Variants in PCDH15 observed in about 807,000 individuals in gnomAD.
PCDH15 encodes the protein protocadherin related 15, also known as protocadherin-15.
PCDH15 carries 129 observed loss-of-function variants against 178.5 expected under a neutral mutation model. The ratio of observed to expected loss-of-function variants is 0.72; its 90% CI spans 0.63 to 0.84. The LOEUF is 0.84. Ranked by LOEUF, PCDH15 falls within the 40% of genes least tolerant of loss-of-function variation. PCDH15 has a pLI of 0.00. For synonymous variants in PCDH15, 800 were observed against 732.0 expected (o/e 1.09, Z -1.50); for missense variants, 2,230 against 2,099.9 (o/e 1.06, Z -1.21).
intron 1 of PCDH15, among the ~76,000 whole-genome samples, chr10:55,198,551 A>G (rs1047660883): frequency 1.3e-5 from 2 of 152,052 alleles, no homozygotes; most frequent in African/African-American, 4.8e-5. Flanking sequence ...CAGTGGCGCG[A>G]TAACAGCTCA....
chr10:53,854,747 A>T (rs2078613071), intron 28 of PCDH15, among the ~76,000 whole-genome samples: 1 of 152,108 alleles, frequency 6.6e-6, no homozygotes, highest in Non-Finnish European at 1.5e-5. Context: ...CCGAATAGTC[A>T]TACTTTCTAT....
chr10:55,443,273 G>C (rs1293096031), intron 2 of PCDH15, among the ~76,000 whole-genome samples: 1 of 152,056 alleles, frequency 6.6e-6, no homozygotes, highest in Non-Finnish European at 1.5e-5. Flanking sequence ...TGCAACAAAA[G>C]CCAAAATTGA....
chr10:55,033,529 T>C (rs1591847798), intron 2 of PCDH15, among the ~76,000 whole-genome samples: 5 of 152,042 alleles, frequency 3.3e-5, no homozygotes, highest in Admixed American at 3.3e-4. Flanking sequence ...CTTTGGAATA[T>C]AAACGACTGT....
intron 2 of PCDH15, among the ~76,000 whole-genome samples, chr10:55,085,541 C>T (rs919141844): frequency 2.4e-4 from 37 of 151,720 alleles, no homozygotes; most frequent in African/African-American, 8.7e-4. Flanking sequence ...TGATAGACAC[C>T]TCATTTACCC....
intron 2 of PCDH15, among the ~76,000 whole-genome samples, chr10:55,459,536 T>C (rs1377986146): frequency 6.6e-6 from 1 of 152,078 alleles, no homozygotes; most frequent in African/African-American, 2.4e-5. Context: ...CATGATATCA[T>C]CTAAAATTTA....
chr10:55,626,598 C>A (rs563168650), intron 2 of PCDH15, among the ~76,000 whole-genome samples: 3 of 152,278 alleles, frequency 2.0e-5, no homozygotes, highest in African/African-American at 7.2e-5. Context: ...CATATGCTTG[C>A]CACGTAAATT....
In PCDH15 at chr10:54,256,512, C is replaced by T. The variant is rs142881458; in HGVS notation, c.877-19581G>A. Among the ~76,000 whole-genome samples, 445 of 152,186 alleles carry T rather than the reference C, an allele frequency of 2.9e-3. 5 individuals carry two copies. The highest frequency in any genetic ancestry group is 9.7e-3 in the African/African-American group (403 of 41,514). On this transcript the variant is annotated intron_variant, in intron 8 of 37. Coordinates refer to ENST00000644397, the MANE Select transcript of PCDH15 (RefSeq NM_001384140.1). ...TTTTCACAATTCTACTGTTATAGAA[C>T]CTATCAAAAGCTTCAAGTAATAAGT... is the stretch of plus-strand genomic sequence containing the variant.
At chr10:54,654,981 G>A (rs574196022) in intron 2 of PCDH15, 4 of 152,512 alleles carry the variant, frequency 2.6e-5, no homozygotes, top group African/African-American at 7.2e-5. Flanking sequence ...GGAGGCTGAG[G>A]CGGGCGGATC....
intron 26 of PCDH15, among the ~76,000 whole-genome samples, chr10:53,888,305 T>TATAC (rs1554845206): frequency 2.4e-4 from 9 of 38,178 alleles, no homozygotes; most frequent in Admixed American, 4.6e-4. Flanking sequence ...TATATATATA[T>TATAC]ATATGTATAT....
At position 54,416,457 on chromosome 10, in the gene PCDH15, A is replaced by G. The variant is rs11004291; in HGVS notation, c.158-37515T>C. On this transcript the variant is annotated intron_variant, in intron 3 of 37. Coordinates refer to ENST00000644397, the MANE Select transcript of PCDH15 (RefSeq NM_001384140.1). Reference sequence around the variant, plus strand: ...ATGTCCCTGCAAAGGACATGATCTCATTCTTTTTTATGGCTGTGTAGTATT... The same window carrying G: ...ATGTCCCTGCAAAGGACATGATCTCGTTCTTTTTTATGGCTGTGTAGTATT... Among the ~76,000 whole-genome samples the G allele has an allele frequency of 5.5e-3, 834 of 152,198 alleles. 11 individuals are homozygous for G. Among genetic ancestry groups the G allele is most frequent in the African/African-American group, 0.02 (820 of 41,526 alleles).
intron 7 of PCDH15, among the ~76,000 whole-genome samples, chr10:54,321,439 G>A (rs1456731459): frequency 6.6e-6 from 1 of 150,826 alleles, no homozygotes; most frequent in Non-Finnish European, 1.5e-5. Context: ...AATATTTTAT[G>A]TGATACATGA....
intron 2 of PCDH15, among the ~76,000 whole-genome samples, chr10:55,131,823 G>A (rs909639005): frequency 2.0e-5 from 3 of 152,114 alleles, no homozygotes; most frequent in African/African-American, 7.2e-5. Context: ...TCTATAGGCA[G>A]CCATGGTTGG....
At chr10:55,364,703 T>C (rs1845311109) in intron 2 of PCDH15, among the ~76,000 whole-genome samples, 1 of 152,070 alleles carries the variant, frequency 6.6e-6, no homozygotes, top group Non-Finnish European at 1.5e-5. Flanking sequence ...AGTCATGGAA[T>C]GAATGTTAGA....
In PCDH15 at chr10:54,727,385, G is replaced by T. The variant is rs543504888; in HGVS notation, c.-28-63095C>A. ...ACAATGAAATTAAAGCAGAAAACAA[G>T]AAATTATTTGAAACTAATGAAACAA... On this transcript the variant is annotated intron_variant, in intron 1 of 37. Transcript: ENST00000644397. 3.3e-5 allele frequency among the ~76,000 whole-genome samples: 5 copies of T among 151,538 alleles called. No homozygotes were observed. The East Asian group carries it at 7.8e-4, about 24-fold the overall frequency.
intron 23 of PCDH15, among the ~76,000 whole-genome samples, chr10:53,952,699 A>G (rs1239622624): frequency 6.6e-6 from 1 of 152,114 alleles, no homozygotes; most frequent in Non-Finnish European, 1.5e-5. Flanking sequence ...GCTGCCATTC[A>G]TGGCACCCAG....
intron 23 of PCDH15, among the ~76,000 whole-genome samples, chr10:53,944,047 G>A (rs2134107174): frequency 6.6e-6 from 1 of 152,230 alleles, no homozygotes; most frequent in East Asian, 1.9e-4. Context: ...GATTCATTAA[G>A]CCAGATGGAC....
intron 1 of PCDH15, among the ~76,000 whole-genome samples, chr10:54,740,785 C>A (rs1591383678): frequency 2.0e-5 from 3 of 151,848 alleles, no homozygotes. Context: ...AACAAATATC[C>A]CATGTTCTCA....
intron 2 of PCDH15, among the ~76,000 whole-genome samples, chr10:55,159,544 C>T (rs1157020777): frequency 6.8e-6 from 1 of 147,734 alleles, no homozygotes; most frequent in Non-Finnish European, 1.5e-5. Flanking sequence ...TAGGACGTGA[C>T]AAAATAAATA....
chr10:54,336,162 C>T (rs1941077097), intron 6 of PCDH15, among the ~76,000 whole-genome samples: 2 of 152,144 alleles, frequency 1.3e-5, no homozygotes, highest in South Asian at 4.1e-4. Flanking sequence ...CAAGATGTGA[C>T]TTCAGTGCCA....
Sources: allele counts gnomAD v4.1 joint callset (sites outside exome capture counted in the v4.1 genomes callset), GRCh38; gene constraint gnomAD v4.1.1; transcripts MANE v1.5; gene names NCBI Gene and HGNC (gene_info 2026-07-23, HGNC 2026-07-21).